TBC1D14: variants seen among roughly 807,000 people sequenced by gnomAD.
TBC1D14 encodes the protein TBC1 domain family member 14.
A neutral mutation model predicts 79.0 loss-of-function variants in TBC1D14; 26 were observed. The ratio of observed to expected loss-of-function variants is 0.33; its 90% CI spans 0.24 to 0.46. The LOEUF (loss-of-function observed/expected upper bound fraction) is 0.46. Ranked by LOEUF, TBC1D14 falls within the 20% of genes least tolerant of loss-of-function variation. The probability of loss-of-function intolerance (pLI) is 1.00; values close to 1 mark genes in which losing one functional copy is unlikely to be tolerated. For missense variants in TBC1D14, 769 were observed against 887.6 expected, an observed-to-expected ratio of 0.87 and a Z score of 1.70; for synonymous variants, 394 against 349.9, an observed-to-expected ratio of 1.13 and a Z score of -1.40.
intron 1 of TBC1D14, among the ~76,000 whole-genome samples, chr4:6,922,620 C>T (rs1417671353): frequency 1.3e-5 from 2 of 152,090 alleles, no homozygotes; most frequent in South Asian, 2.1e-4. Context: ...TGTTGTTTTC[C>T]GTCTTAATGA....
At chr4:6,991,353 C>T (rs1718466524) in intron 3 of TBC1D14, among the ~76,000 whole-genome samples, 1 of 152,150 alleles carries the variant, frequency 6.6e-6, no homozygotes, top group Admixed American at 6.5e-5. Context: ...GGCTGCGGAA[C>T]CCCAGCGCGT....
intron 13 of TBC1D14, among the ~76,000 whole-genome samples, chr4:7,025,472 G>A (rs1162272277): frequency 6.6e-6 from 1 of 152,254 alleles, no homozygotes; most frequent in Non-Finnish European, 1.5e-5. Flanking sequence ...GCTGGATGGG[G>A]TGTGGATAAT....
chr4:6,972,087 C>T (rs941360903), intron 3 of TBC1D14, among the ~76,000 whole-genome samples: 11 of 152,168 alleles, frequency 7.2e-5, no homozygotes, highest in Non-Finnish European at 8.8e-5. Flanking sequence ...AGTCCTTTGC[C>T]TTGTGAGTAA....
intron 2 of TBC1D14, among the ~76,000 whole-genome samples, chr4:6,955,234 G>C (rs746200823): frequency 9.9e-5 from 15 of 152,222 alleles, no homozygotes; most frequent in Admixed American, 7.9e-4. Flanking sequence ...TCAGTTTTTG[G>C]GGGGTGGAGA....
intron 2 of TBC1D14, among the ~76,000 whole-genome samples, chr4:6,965,742 C>T (rs1715645118): frequency 6.6e-6 from 1 of 152,156 alleles, no homozygotes; most frequent in African/African-American, 2.4e-5. Flanking sequence ...AGTCTCACTA[C>T]CTTGCTCAGG....
intron 2 of TBC1D14, among the ~76,000 whole-genome samples, chr4:6,946,805 G>C (rs1560270120): frequency 1.3e-5 from 2 of 152,052 alleles, no homozygotes; most frequent in African/African-American, 4.8e-5. Context: ...TAAATCCCAC[G>C]TATATCCCCT....
intron 2 of TBC1D14, among the ~76,000 whole-genome samples, chr4:6,924,801 G>A (rs1165867155): frequency 6.6e-6 from 1 of 152,184 alleles, no homozygotes; most frequent in African/African-American, 2.4e-5. Flanking sequence ...TTCAACAAGT[G>A]CCTATTTCCT....
At chr4:7,001,560 CGT>C in intron 7 of TBC1D14, 1 of 285,304 alleles carries the variant, frequency 3.5e-6, no homozygotes, top group Admixed American at 4.8e-5. Context: ...TTGCCTGCGA[CGT>C]GAGTGTGGAA....
chr4:6,967,438 A>C lies in TBC1D14; in HGVS notation c.843+14A>C. 6.2e-7 allele frequency: 1 copy of C among 1,609,506 alleles called. No individual in the cohort carries two copies. Among genetic ancestry groups the C allele is most frequent in the Admixed American group, 1.7e-5 (1 of 58,644 alleles). ...AGAATACAGAAGGTACACAAGATAC[A>C]AAATCACAGAAATAGGCTGTTGGAT... On this transcript the variant is annotated intron_variant, in intron 3 of 13. Coordinates refer to ENST00000409757, the MANE Select transcript of TBC1D14 (RefSeq NM_020773.3).
At chr4:7,009,384 G>A (rs908097468) in intron 9 of TBC1D14, among the ~76,000 whole-genome samples, 1 of 152,218 alleles carries the variant, frequency 6.6e-6, no homozygotes, top group Non-Finnish European at 1.5e-5. Flanking sequence ...GTAGCCACCA[G>A]GACTTAGAAG....
At chr4:7,002,468 C>T (rs1719766977) in intron 7 of TBC1D14, among the ~76,000 whole-genome samples, 1 of 152,216 alleles carries the variant, frequency 6.6e-6, no homozygotes, top group African/African-American at 2.4e-5. Flanking sequence ...AACCTATGGA[C>T]CGTATTGTTT....
chr4:6,987,193 G>T (rs1717932472), intron 3 of TBC1D14: 2 of 1,225,274 alleles, frequency 1.6e-6, no homozygotes, highest in Non-Finnish European at 2.0e-6. Context: ...GTCTGCGCGC[G>T]ATTGAGCGGC....
intron 5 of TBC1D14, 123 bp downstream of exon 5, chr4:6,996,530 T>C: frequency 1.4e-6 from 1 of 717,492 alleles, no homozygotes. Context: ...TTTGTAGTCT[T>C]CCAGTAAAAA....
intron 2 of TBC1D14, among the ~76,000 whole-genome samples, chr4:6,939,778 A>G (rs1185080368): frequency 6.6e-6 from 1 of 151,976 alleles, no homozygotes; most frequent in Non-Finnish European, 1.5e-5. Context: ...GTGGCATGGG[A>G]AAGCTGGGAG....
At chr4:6,913,547 A>G (rs1382009499) in intron 1 of TBC1D14, among the ~76,000 whole-genome samples, 1 of 152,196 alleles carries the variant, frequency 6.6e-6, no homozygotes, top group Non-Finnish European at 1.5e-5. Context: ...TGGGTGCGTG[A>G]CTTAGCCTCT....
chr4:6,938,829 G>A (rs1712600043), intron 2 of TBC1D14, among the ~76,000 whole-genome samples: 1 of 152,212 alleles, frequency 6.6e-6, no homozygotes, highest in African/African-American at 2.4e-5. Flanking sequence ...TGTGGCTCGG[G>A]CTGGCCTCCC....
rs548606619 is a variant in TBC1D14 at position 6,980,279 on chromosome 4, A to G, written c.843+12855A>G. 1.9e-3 allele frequency among the ~76,000 whole-genome samples: 283 copies of G among 152,360 alleles called. 3 individuals carry two copies. Among genetic ancestry groups the G allele is most frequent in the Non-Finnish European group, 8.8e-4 (60 of 68,042 alleles). ...CCTCCCCAAACTTGCACATTAAACA[A>G]GTAGCATACTTCTAAATCATGGGCC... On this transcript the variant is annotated intron_variant, in intron 3 of 13. Transcript: ENST00000409757.
At chr4:6,977,110 G>T (rs1385884896) in intron 3 of TBC1D14, among the ~76,000 whole-genome samples, 3 of 14,212 alleles carry the variant, frequency 2.1e-4, no homozygotes, top group Non-Finnish European at 6.9e-4. Flanking sequence ...CTCTCCCCAC[G>T]GTCTCCCTCT....
Position 6,988,233 on chromosome 4 carries a change from C to A in TBC1D14, c.844-5951C>A, listed in dbSNP as rs559664364. Among the ~76,000 whole-genome samples the A allele has an allele frequency of 4.6e-5, 7 of 152,366 alleles. No homozygotes were observed. In the South Asian group the frequency reaches 1.4e-3, roughly 32 times the overall value. ...CCAGCCGCGGTGTTGCGGACACTTT[C>A]AGTTTCGTGCCCTTTTCCACAAGCA... On this transcript the variant is annotated intron_variant, in intron 3 of 13. Transcript: ENST00000409757.
Sources: gnomAD v4.1 joint callset for allele counts (sites outside exome capture counted in the v4.1 genomes callset) on GRCh38, gnomAD v4.1.1 for gene constraint, MANE v1.5 for transcripts, NCBI Gene and HGNC (gene_info 2026-07-23, HGNC 2026-07-21) for gene names.